Variants in RALGPS2 observed in about 807,000 individuals in gnomAD.
RALGPS2 encodes the protein Ral GEF with PH domain and SH3 binding motif 2.
Under a neutral mutation model 86.8 loss-of-function variants are expected in RALGPS2, and 43 were observed. The ratio of observed to expected loss-of-function variants is 0.50; its 90% CI spans 0.39 to 0.64. RALGPS2 has a LOEUF of 0.64. Among genes scored for constraint, RALGPS2 ranks in the 30% least tolerant of loss-of-function variants. RALGPS2 has a pLI of 0.00. For synonymous variants in RALGPS2, 243 were observed against 231.3 expected (o/e 1.05, Z -0.46); for missense variants, 536 against 694.6 (o/e 0.77, Z 2.57).
chr1:178,881,868 T>G (rs1280405697), intron 10 of RALGPS2, among the ~76,000 whole-genome samples: 1 of 152,078 alleles, frequency 6.6e-6, no homozygotes, highest in Non-Finnish European at 1.5e-5. Context: ...AAGAAAACAT[T>G]TTTTAGAAAA....
chr1:178,824,373 C>T (rs568400347), intron 7 of RALGPS2, among the ~76,000 whole-genome samples: 2 of 151,480 alleles, frequency 1.3e-5, no homozygotes, highest in East Asian at 3.9e-4. Flanking sequence ...GAAATGGCAT[C>T]AATGGCAATA....
chr1:178,902,984 G>C (rs1487456367), intron 18 of RALGPS2, among the ~76,000 whole-genome samples: 1 of 152,114 alleles, frequency 6.6e-6, no homozygotes, highest in Non-Finnish European at 1.5e-5. Context: ...GATGGGCCAT[G>C]TATAATCACA....
At chr1:178,725,448 C>CGGGG (rs1649911737) in intron 1 of RALGPS2, 29 bp downstream of exon 1, 1 of 17,718 alleles carries the variant, frequency 5.6e-5, no homozygotes, top group Non-Finnish European at 1.2e-4. Context: ...CGGGGCGGTG[C>CGGGG]GGGGGAGGGA....
chr1:178,898,694 T>A (rs971641239), intron 17 of RALGPS2, among the ~76,000 whole-genome samples: 8 of 152,132 alleles, frequency 5.3e-5, no homozygotes, highest in Non-Finnish European at 8.8e-5. Flanking sequence ...ATTTTTTAAC[T>A]GTACCTCAGT....
At chr1:178,869,201 C>G (rs1402186140) in intron 8 of RALGPS2, 1 of 152,006 alleles carries the variant, frequency 6.6e-6, no homozygotes, top group African/African-American at 2.4e-5. Flanking sequence ...TAGCTTTTCT[C>G]TTCATAGTTG....
chr1:178,750,995 A>G (rs1246335680), intron 1 of RALGPS2, among the ~76,000 whole-genome samples: 1 of 152,196 alleles, frequency 6.6e-6, no homozygotes, highest in African/African-American at 2.4e-5. Context: ...GTATGGCCCT[A>G]AAGTTTTATT....
At chr1:178,754,111 C>T (rs981437832) in intron 1 of RALGPS2, among the ~76,000 whole-genome samples, 3 of 151,464 alleles carry the variant, frequency 2.0e-5, no homozygotes, top group African/African-American at 4.9e-5. Flanking sequence ...TGTGAGCCAC[C>T]GTGCCCCAGC....
At chr1:178,756,369 T>A (rs1400670800) in intron 1 of RALGPS2, among the ~76,000 whole-genome samples, 1 of 152,240 alleles carries the variant, frequency 6.6e-6, no homozygotes, top group East Asian at 1.9e-4. Flanking sequence ...TTCATTGTTC[T>A]GCATATGGCT....
chr1:178,768,997 C>G (rs920900688), intron 1 of RALGPS2, among the ~76,000 whole-genome samples: 23 of 152,104 alleles, frequency 1.5e-4, no homozygotes, highest in Non-Finnish European at 2.5e-4. Context: ...GCTGCTGTTC[C>G]AGATGAGCAG....
chr1:178,755,179 T>C (rs1651887295), intron 1 of RALGPS2, among the ~76,000 whole-genome samples: 1 of 152,220 alleles, frequency 6.6e-6, no homozygotes, highest in South Asian at 2.1e-4. Context: ...TTTTTTTTCT[T>C]TTATAATTTC....
At chr1:178,746,762 G>T in intron 1 of RALGPS2, 1 of 820,790 alleles carries the variant, frequency 1.2e-6, no homozygotes. Context: ...CACCTTCTGA[G>T]CTGTGGTGGC....
intron 15 of RALGPS2, among the ~76,000 whole-genome samples, chr1:178,893,221 T>G (rs532855240): frequency 4.8e-4 from 73 of 151,268 alleles, no homozygotes; most frequent in Non-Finnish European, 6.8e-4. Context: ...TAGGGAAAGA[T>G]ATTAAAGTGT....
At chr1:178,804,272 T>G (rs1654626065) in intron 4 of RALGPS2, among the ~76,000 whole-genome samples, 2 of 140,392 alleles carry the variant, frequency 1.4e-5, no homozygotes, top group Admixed American at 1.4e-4. Flanking sequence ...TTTTTTTTAA[T>G]TAATTGATTT....
intron 8 of RALGPS2, among the ~76,000 whole-genome samples, chr1:178,837,607 C>CTGT (rs779083217): frequency 3.3e-5 from 5 of 152,176 alleles, no homozygotes; most frequent in Non-Finnish European, 5.9e-5. Context: ...CCAGCATGAG[C>CTGT]AACACAGAAG....
chr1:178,905,343 T>G (rs1660349559), intron 18 of RALGPS2, among the ~76,000 whole-genome samples: 1 of 152,034 alleles, frequency 6.6e-6, no homozygotes, highest in Non-Finnish European at 1.5e-5. Flanking sequence ...CTACTTCAGG[T>G]AGCCAAAATT....
At chr1:178,743,777 A>G (rs965256520) in intron 1 of RALGPS2, among the ~76,000 whole-genome samples, 2 of 152,206 alleles carry the variant, frequency 1.3e-5, no homozygotes, top group African/African-American at 4.8e-5. Flanking sequence ...ACAGACACAT[A>G]CTACCAAACT....
chr1:178,820,237 A>C (rs1224367363), intron 6 of RALGPS2, among the ~76,000 whole-genome samples: 2 of 152,208 alleles, frequency 1.3e-5, no homozygotes, highest in Non-Finnish European at 1.5e-5. Context: ...CAGGTTTGAG[A>C]TCTCAGAATT....
intron 8 of RALGPS2, among the ~76,000 whole-genome samples, chr1:178,838,301 A>G (rs1341478181): frequency 6.6e-6 from 1 of 152,180 alleles, no homozygotes; most frequent in Non-Finnish European, 1.5e-5. Flanking sequence ...CACCTCACAC[A>G]TCTGGGTAGC....
At chr1:178,814,038 A>G (rs1314886598) in intron 6 of RALGPS2, among the ~76,000 whole-genome samples, 1 of 152,212 alleles carries the variant, frequency 6.6e-6, no homozygotes, top group Non-Finnish European at 1.5e-5. Flanking sequence ...ACCACTGGGA[A>G]TTTTCATATG....
Sources: allele counts gnomAD v4.1 joint callset (sites outside exome capture counted in the v4.1 genomes callset), GRCh38; gene constraint gnomAD v4.1.1; transcripts MANE v1.5; gene names NCBI Gene and HGNC (gene_info 2026-07-23, HGNC 2026-07-21).